COL24A1: variants seen among roughly 807,000 people sequenced by gnomAD.
The protein encoded by COL24A1 is collagen alpha-1(XXIV) chain.
A neutral mutation model predicts 253.9 loss-of-function variants in COL24A1; 224 were observed. That is an observed-to-expected ratio of 0.88 (90% CI 0.79 to 0.99). The LOEUF (loss-of-function observed/expected upper bound fraction) is 0.99, where lower values mean the gene tolerates loss of function less well. Among genes scored for constraint, COL24A1 ranks in the 50% least tolerant of loss-of-function variants. The probability of loss-of-function intolerance (pLI) is 0.00; values close to 1 mark genes in which losing one functional copy is unlikely to be tolerated. For missense variants in COL24A1, 2,131 were observed against 2,068.5 expected (o/e 1.03, Z -0.59); for synonymous variants, 685 against 673.7 (o/e 1.02, Z -0.26).
chr1:86,020,345 C>T (rs1334188375), intron 18 of COL24A1, among the ~76,000 whole-genome samples: 7 of 152,030 alleles, frequency 4.6e-5, no homozygotes, highest in Non-Finnish European at 8.8e-5. Flanking sequence ...GGATTACAGG[C>T]GTGAGCCACC....
intron 58 of COL24A1, among the ~76,000 whole-genome samples, chr1:85,736,859 T>C (rs973420883): frequency 6.6e-6 from 1 of 152,228 alleles, no homozygotes; most frequent in Non-Finnish European, 1.5e-5. Context: ...TTATAATATA[T>C]GTTAGTTTAA....
chr1:86,052,722 C>T (rs767880994), intron 10 of COL24A1, among the ~76,000 whole-genome samples: 1 of 151,752 alleles, frequency 6.6e-6, no homozygotes, highest in Non-Finnish European at 1.5e-5. Flanking sequence ...AGGGTTTATA[C>T]ATGGAAAAAA....
chr1:85,837,760 A>C (rs1342699200), intron 43 of COL24A1, among the ~76,000 whole-genome samples: 1 of 152,214 alleles, frequency 6.6e-6, no homozygotes, highest in Admixed American at 6.5e-5. Context: ...AGGGAATTTG[A>C]GTGAAATTAT....
chr1:86,133,372 G>A (rs753227525), intron 2 of COL24A1, among the ~76,000 whole-genome samples: 61 of 152,174 alleles, frequency 4.0e-4, no homozygotes, highest in African/African-American at 1.5e-3. Flanking sequence ...GCCCTGGCCA[G>A]AACTTCCAAC....
chr1:86,055,076 A>G (rs904017821), intron 10 of COL24A1, among the ~76,000 whole-genome samples: 13 of 152,154 alleles, frequency 8.5e-5, no homozygotes, highest in African/African-American at 2.9e-4. Context: ...TCACTTATAA[A>G]TGGGAGCTGA....
intron 3 of COL24A1, among the ~76,000 whole-genome samples, chr1:86,117,333 C>G (rs1706245964): frequency 2.0e-5 from 3 of 152,210 alleles, no homozygotes; most frequent in Admixed American, 6.5e-5. Context: ...TCATTTTCCT[C>G]TTCCACCATG....
Position 85,781,262 on chromosome 1 carries a change from A to G in COL24A1, c.4296T>C (p.Gly1432=). 6.2e-7 allele frequency: 1 copy of G among 1,606,886 alleles called. No individual in the cohort carries two copies. Among genetic ancestry groups the G allele is most frequent in the Non-Finnish European group, 8.5e-7 (1 of 1,176,986 alleles). ...KGPIGHRGNT[G]PLGREGIIGP... ...CTATTATACCTTCTCTGCCAAGGGG[A>G]CCAGTGTTTCCCTGTTGAGGTAAAA... Residue 1432 remains glycine (G), a synonymous_variant, in exon 52 of 60, where the codon GGT becomes GGC. Transcript: ENST00000370571.
intron 55 of COL24A1, among the ~76,000 whole-genome samples, chr1:85,758,239 A>G (rs444875): frequency 0.9 from 136,879 of 152,102 alleles, 62,322 homozygotes; most frequent in Non-Finnish European, 0.97. Context: ...TCTTTATGAT[A>G]GAAGTTTTTG....
At chr1:86,015,911 G>T (rs1320930542) in intron 19 of COL24A1, among the ~76,000 whole-genome samples, 2 of 148,456 alleles carry the variant, frequency 1.3e-5, no homozygotes, top group African/African-American at 2.5e-5. Flanking sequence ...TGGAGACGGG[G>T]TCTCATTTTG....
chr1:85,786,131 G>T (rs1669657104), intron 48 of COL24A1, among the ~76,000 whole-genome samples: 1 of 152,200 alleles, frequency 6.6e-6, no homozygotes, highest in Non-Finnish European at 1.5e-5. Context: ...AGCATCACTA[G>T]TCCTGGGTCA....
chr1:85,915,305 T>C (rs1685788007), intron 24 of COL24A1, among the ~76,000 whole-genome samples: 1 of 152,156 alleles, frequency 6.6e-6, no homozygotes, highest in African/African-American at 2.4e-5. Context: ...AAATAATCAG[T>C]GCTGTAGGTC....
At chr1:86,080,219 A>G (rs1474444500) in intron 7 of COL24A1, among the ~76,000 whole-genome samples, 5 of 152,182 alleles carry the variant, frequency 3.3e-5, no homozygotes, top group African/African-American at 1.2e-4. Flanking sequence ...GGATCTAAAT[A>G]TCACAAAATT....
chr1:85,967,346 C>G (rs566466807), intron 22 of COL24A1, among the ~76,000 whole-genome samples: 1 of 152,140 alleles, frequency 6.6e-6, no homozygotes, highest in African/African-American at 2.4e-5. Flanking sequence ...AGATAGAATT[C>G]AGAATGTAAT....
intron 52 of COL24A1, among the ~76,000 whole-genome samples, 189 bp from the exon 53 acceptor site, chr1:85,775,898 T>C (rs944215179): frequency 6.6e-6 from 1 of 152,170 alleles, no homozygotes; most frequent in African/African-American, 2.4e-5. Flanking sequence ...CAAAAAACCC[T>C]TAGTGATTCA....
intron 47 of COL24A1, among the ~76,000 whole-genome samples, chr1:85,813,896 A>C (rs1426554124): frequency 6.6e-6 from 1 of 152,116 alleles, no homozygotes; most frequent in Non-Finnish European, 1.5e-5. Flanking sequence ...AAGATGCATG[A>C]CAGTTTAGAA....
chr1:85,797,275 T>C (rs896956907), intron 47 of COL24A1, among the ~76,000 whole-genome samples: 1 of 150,568 alleles, frequency 6.6e-6, no homozygotes, highest in Non-Finnish European at 1.5e-5. Context: ...CCTATGGGCC[T>C]GACATGGTGC....
intron 47 of COL24A1, among the ~76,000 whole-genome samples, chr1:85,789,435 C>A (rs1363356364): frequency 6.6e-6 from 1 of 152,108 alleles, no homozygotes; most frequent in East Asian, 1.9e-4. Context: ...GCTGAAGTTG[C>A]TTCTCAGCTT....
intron 5 of COL24A1, among the ~76,000 whole-genome samples, chr1:86,096,828 T>C (rs1703923557): frequency 6.6e-6 from 1 of 152,252 alleles, no homozygotes; most frequent in African/African-American, 2.4e-5. Context: ...ATGTGTCCAA[T>C]AATTGTCTTA....
intron 12 of COL24A1, among the ~76,000 whole-genome samples, chr1:86,039,773 A>G (rs1016325389): frequency 1.3e-5 from 2 of 152,208 alleles, no homozygotes; most frequent in Non-Finnish European, 2.9e-5. Flanking sequence ...ATATGAATAC[A>G]TATTACCAGG....
Sources: gnomAD v4.1 joint callset for allele counts (sites outside exome capture counted in the v4.1 genomes callset) on GRCh38, gnomAD v4.1.1 for gene constraint, MANE v1.5 for transcripts, NCBI Gene and HGNC (gene_info 2026-07-23, HGNC 2026-07-21) for gene names.